MCUR1: variants seen among roughly 807,000 people sequenced by gnomAD.
MCUR1 encodes the protein MCU regulator 1.
A neutral mutation model predicts 42.0 loss-of-function variants in MCUR1; 37 were observed. That is an observed-to-expected ratio of 0.88 (90% CI 0.68 to 1.16). The LOEUF is 1.16. Among genes scored for constraint, MCUR1 ranks in the 50% most tolerant of loss-of-function variants. MCUR1 has a pLI of 0.00. For synonymous variants in MCUR1, 229 were observed against 196.2 expected, an observed-to-expected ratio of 1.17 and a Z score of -1.40; for missense variants, 469 against 468.4, an observed-to-expected ratio of 1.00 and a Z score of -0.01.
rs78425841 is a variant in MCUR1 at position 13,808,820 on chromosome 6, T to C, written c.416-1776A>G. Among the ~76,000 whole-genome samples, 1,464 of 152,340 alleles carry C rather than the reference T, an allele frequency of 9.6e-3. 20 individuals are homozygous for C. The highest frequency in any genetic ancestry group is 0.034 in the South Asian group (165 of 4,826). ...AGTGGGCTGTAAGCATGAGGCCTTG[T>C]GTCTGGGCTCTCCATTCTAATGCAT... On this transcript the variant is annotated intron_variant, in intron 1 of 8. Coordinates refer to ENST00000379170, the MANE Select transcript of MCUR1 (RefSeq NM_001031713.4).
intron 6 of MCUR1, among the ~76,000 whole-genome samples, chr6:13,798,169 C>T (rs1759899142): frequency 6.6e-6 from 1 of 151,532 alleles, no homozygotes; most frequent in South Asian, 2.1e-4. Flanking sequence ...AATCTCAGCT[C>T]ACTGCAACCT....
In MCUR1 at chr6:13,790,874, A is replaced by G. The variant is rs1759716315; in HGVS notation, c.1025-10T>C. The G allele has an allele frequency of 1.9e-6, 3 of 1,601,424 alleles. No individual in the cohort carries two copies. The highest frequency in any genetic ancestry group is 2.6e-6 in the Non-Finnish European group (3 of 1,170,048). On this transcript the variant is annotated splice_polypyrimidine_tract_variant and intron_variant, in intron 8 of 8. Transcript: ENST00000379170. The stretch of plus-strand genomic sequence containing the variant: ...CACGTAAATATAGACCCTGTAAGAA[A>G]AAAACAATTGAGAGTACTATTAGTT...
intron 2 of MCUR1, among the ~76,000 whole-genome samples, chr6:13,804,879 AG>A (rs1760083606): frequency 6.6e-6 from 1 of 151,844 alleles, no homozygotes; most frequent in Non-Finnish European, 1.5e-5. Context: ...ACGAGGGAAT[AG>A]GACAGAACCA....
intron 5 of MCUR1, among the ~76,000 whole-genome samples, chr6:13,799,846 T>C (rs1423827002): frequency 6.7e-6 from 1 of 148,696 alleles, no homozygotes; most frequent in East Asian, 1.9e-4. Context: ...TTTTTTTTTT[T>C]TTTTGAGACA....
rs1387919197 is a variant in MCUR1 at position 13,788,622 on chromosome 6, C to T, written c.*2187G>A. On this transcript the variant is annotated 3_prime_UTR_variant, in exon 9 of 9. Coordinates refer to ENST00000379170, the MANE Select transcript of MCUR1 (RefSeq NM_001031713.4). ...TAATGTTTACCTTGAAACATAATCGCATATGGCCCTTTATGCCACTCACCT... is the reference window on the plus strand; with the variant it reads ...TAATGTTTACCTTGAAACATAATCGTATATGGCCCTTTATGCCACTCACCT... The T allele has an allele frequency of 6.6e-6, 1 of 152,184 alleles. No homozygotes were observed. Among genetic ancestry groups the T allele is most frequent in the African/African-American group, 2.4e-5 (1 of 41,446 alleles). The allele number at this position is 152,184 out of a possible 1,614,324, so 9.4% of individuals were successfully genotyped here.
chr6:13,790,871 GA>G lies in MCUR1; in HGVS notation c.1025-8del. The G allele has an allele frequency of 1.3e-6, 2 of 1,597,776 alleles. No homozygotes were observed. Among genetic ancestry groups the G allele is most frequent in the African/African-American group, 1.3e-5 (1 of 74,076 alleles). ...AGGCACGTAAATATAGACCCTGTAA[GA>G]AAAAAACAATTGAGAGTACTATTAG... On this transcript the variant is annotated splice_region_variant and splice_polypyrimidine_tract_variant and intron_variant, in intron 8 of 8. Transcript: ENST00000379170.
intron 1 of MCUR1, among the ~76,000 whole-genome samples, chr6:13,808,073 T>C (rs762337779): frequency 1.3e-5 from 2 of 152,228 alleles, no homozygotes; most frequent in African/African-American, 4.8e-5. Context: ...GCTCTGTTCA[T>C]GAATGGATTA....
At chr6:13,799,546 GA>G (rs1328319978) in intron 5 of MCUR1, among the ~76,000 whole-genome samples, 8 of 152,102 alleles carry the variant, frequency 5.3e-5, no homozygotes, top group Non-Finnish European at 1.0e-4. Context: ...GAATAAAGCT[GA>G]TCTTAAACAA....
intron 6 of MCUR1, among the ~76,000 whole-genome samples, chr6:13,794,409 G>A (rs1352666471): frequency 2.6e-5 from 4 of 152,082 alleles, no homozygotes; most frequent in Admixed American, 6.6e-5. Flanking sequence ...GAGTCATATG[G>A]TTTTTGGTTT....
intron 2 of MCUR1, 53 bp from the exon 3 acceptor site, chr6:13,802,399 A>G: frequency 7.3e-7 from 1 of 1,375,470 alleles, no homozygotes; most frequent in Non-Finnish European, 1.0e-6. Flanking sequence ...AAAAGCCCAC[A>G]GCAAATGCAC....
intron 2 of MCUR1, among the ~76,000 whole-genome samples, chr6:13,806,213 T>C (rs1370179645): frequency 3.3e-5 from 5 of 151,558 alleles, no homozygotes; most frequent in East Asian, 1.9e-4. Context: ...GATCGCGCCA[T>C]TGCACTCCAG....
intron 8 of MCUR1, 146 bp downstream of exon 8, chr6:13,791,732 G>A (rs112322807): frequency 1.7e-5 from 10 of 576,480 alleles, no homozygotes; most frequent in African/African-American, 1.1e-4. Context: ...TTCATCTACT[G>A]GAAATTGTAA....
intron 2 of MCUR1, 26 bp downstream of exon 2, chr6:13,806,899 C>T: frequency 7.7e-6 from 12 of 1,560,318 alleles, no homozygotes; most frequent in Non-Finnish European, 1.0e-5. Context: ...TTCTAAGGCA[C>T]TAAATGACGA....
chr6:13,814,140 A>T lies in MCUR1; in HGVS notation c.290T>A (p.Leu97His). The T allele has an allele frequency of 7.7e-7, 1 of 1,306,018 alleles. No homozygotes were observed. The highest frequency in any genetic ancestry group is 9.7e-7 in the Non-Finnish European group (1 of 1,033,230). 80.9% of individuals were successfully genotyped at this position (1,306,018 alleles called of 1,614,324 possible). ...RQLGDWERSRLGYAAPPAGRS... is the reference protein window; with the variant it reads ...RQLGDWERSRHGYAAPPAGRS... ...CCCGGCCGGGGGTGCGGCATACCCG[A>T]GGCGCGAGCGCTCCCAGTCCCCGAG... Residue 97 changes from leucine to histidine, a missense_variant, in exon 1 of 9, where the codon CTC (leucine) becomes CAC (histidine). Leu to His is a moderately conservative substitution (Grantham distance 99). Transcript: ENST00000379170.
intron 1 of MCUR1, among the ~76,000 whole-genome samples, chr6:13,807,795 C>G (rs1351644374): frequency 6.6e-6 from 1 of 152,162 alleles, no homozygotes; most frequent in African/African-American, 2.4e-5. Context: ...TTGCTATTAT[C>G]TGGGTTTTTA....
chr6:13,808,599 T>C (rs1760162611), intron 1 of MCUR1, among the ~76,000 whole-genome samples: 1 of 152,210 alleles, frequency 6.6e-6, no homozygotes, highest in Admixed American at 6.5e-5. Context: ...GTAATCCAAG[T>C]ACATGAAAAT....
chr6:13,814,021 T>C lies in MCUR1; in HGVS notation c.409A>G (p.Arg137Gly), dbSNP rs1480576789. Residue 137 changes from arginine (R) to glycine (G), a missense_variant, in exon 1 of 9, where the codon AGG (arginine) becomes GGG (glycine). Physicochemically the swap from Arg to Gly is moderately radical, Grantham distance 125. Coordinates refer to ENST00000379170, the MANE Select transcript of MCUR1 (RefSeq NM_001031713.4). ...TCTCCCGCCCGGGCCTCACCTCTCC[T>C]GCAGGAAACGAGTGCAGGCGCCGGG... ...HGPAPALVSC[R>G]RELSLSAGSL... 2.4e-6 allele frequency: 3 copies of C among 1,234,796 alleles called. No individual in the cohort carries two copies. Among genetic ancestry groups the C allele is most frequent in the South Asian group, 4.1e-5 (1 of 24,580 alleles). The allele number at this position is 1,234,796 out of a possible 1,614,324, so 76.5% of individuals were successfully genotyped here. A position where few individuals can be genotyped will look rare whatever the true frequency, so the allele number is the denominator to read the frequency against.
chr6:13,790,836 A>C lies in MCUR1; in HGVS notation c.1053T>G (p.Ala351=), dbSNP rs1230170027. Residue 351 remains alanine, a synonymous_variant, in exon 9 of 9, where the codon GCT becomes GCG. Coordinates refer to ENST00000379170, the MANE Select transcript of MCUR1 (RefSeq NM_001031713.4). ...AGSIFTCLTV[A]LGFYRLWI Reference sequence around the variant, plus strand: ...AGATCCACAGGCGATAAAATCCCAGAGCTACTGTTAGGCACGTAAATATAG... The same window carrying C: ...AGATCCACAGGCGATAAAATCCCAGCGCTACTGTTAGGCACGTAAATATAG... 2 of 1,612,166 alleles carry C rather than the reference A, an allele frequency of 1.2e-6. No individual in the cohort carries two copies. Among genetic ancestry groups the C allele is most frequent in the South Asian group, 2.2e-5 (2 of 91,014 alleles).
At chr6:13,806,824 AG>A (rs1175774163) in intron 2 of MCUR1, 100 bp downstream of exon 2, 1 of 1,283,504 alleles carries the variant, frequency 7.8e-7, no homozygotes, top group Non-Finnish European at 1.1e-6. Flanking sequence ...AATAAAAAAT[AG>A]AAGTCAAAGA....
Sources: allele counts gnomAD v4.1 joint callset (sites outside exome capture counted in the v4.1 genomes callset), GRCh38; gene constraint gnomAD v4.1.1; transcripts MANE v1.5; gene names NCBI Gene and HGNC (gene_info 2026-07-23, HGNC 2026-07-21).